The following KCNN2 variants were observed in gnomAD, a reference collection of about 807,000 sequenced individuals.
The protein encoded by KCNN2 is potassium calcium-activated channel subfamily N member 2, also known as small conductance calcium-activated potassium channel protein 2.
A neutral mutation model predicts 55.5 loss-of-function variants in KCNN2; 24 were observed. The observed-to-expected ratio is 0.43, with a 90% CI of 0.31 to 0.61. KCNN2 has a LOEUF of 0.61. Among genes scored for constraint, KCNN2 ranks in the 20% least tolerant of loss-of-function variants. The probability of loss-of-function intolerance (pLI) is 0.08; values close to 1 mark genes in which losing one functional copy is unlikely to be tolerated. For synonymous variants in KCNN2, 431 were observed against 336.1 expected, an observed-to-expected ratio of 1.28 and a Z score of -3.09; for missense variants, 754 against 853.6, an observed-to-expected ratio of 0.88 and a Z score of 1.45.
At chr5:114,332,915 C>A (rs568167105) in intron 2 of KCNN2, among the ~76,000 whole-genome samples, 1 of 152,286 alleles carries the variant, frequency 6.6e-6, no homozygotes, top group South Asian at 2.1e-4. Context: ...GGGAAGGAGT[C>A]CTCTCAATGT....
chr5:114,145,100 G>A (rs959109690), intron 1 of KCNN2, among the ~76,000 whole-genome samples: 1 of 152,176 alleles, frequency 6.6e-6, no homozygotes, highest in African/African-American at 2.4e-5. Flanking sequence ...GGGGAACAAT[G>A]AGCCTTGGCT....
chr5:114,346,490 G>A (rs1225635710), intron 2 of KCNN2, among the ~76,000 whole-genome samples: 1 of 152,082 alleles, frequency 6.6e-6, no homozygotes, highest in Non-Finnish European at 1.5e-5. Context: ...TGAGTAATGA[G>A]GGCCAGATGT....
At chr5:114,085,647 T>C (rs1324940038) in intron 1 of KCNN2, among the ~76,000 whole-genome samples, 2 of 152,080 alleles carry the variant, frequency 1.3e-5, no homozygotes, top group Non-Finnish European at 2.9e-5. Context: ...TATTGAGACA[T>C]GTTGATGATC....
intron 3 of KCNN2, among the ~76,000 whole-genome samples, chr5:114,450,543 A>G (rs1488216886): frequency 6.6e-6 from 1 of 152,234 alleles, no homozygotes; most frequent in Non-Finnish European, 1.5e-5. Flanking sequence ...TTTCCCAGAA[A>G]GTATCAGGGG....
chr5:114,234,890 A>T (rs944943899), intron 2 of KCNN2, among the ~76,000 whole-genome samples: 1 of 152,194 alleles, frequency 6.6e-6, no homozygotes, highest in Non-Finnish European at 1.5e-5. Flanking sequence ...AAGCAAGTTC[A>T]GTATGTGTTA....
At chr5:114,405,137 G>A (rs777368882) in intron 3 of KCNN2, among the ~76,000 whole-genome samples, 19 of 152,104 alleles carry the variant, frequency 1.2e-4, no homozygotes, top group Non-Finnish European at 2.5e-4. Context: ...AAATTGTACA[G>A]GACACTTTTA....
At chr5:114,075,274 T>C (rs1024683564) in intron 1 of KCNN2, among the ~76,000 whole-genome samples, 2 of 152,120 alleles carry the variant, frequency 1.3e-5, no homozygotes, top group African/African-American at 4.8e-5. Flanking sequence ...GCACAGAAGG[T>C]TGGGTTTTGG....
intron 2 of KCNN2, among the ~76,000 whole-genome samples, chr5:114,388,515 T>G (rs573613471): frequency 6.6e-6 from 1 of 152,336 alleles, no homozygotes; most frequent in Admixed American, 6.5e-5. Flanking sequence ...TTTTTTGACT[T>G]TCTCCAAATT....
chr5:114,233,145 C>T (rs1754397994), intron 2 of KCNN2, among the ~76,000 whole-genome samples: 1 of 150,348 alleles, frequency 6.7e-6, no homozygotes, highest in South Asian at 2.1e-4. Flanking sequence ...TGGTCTCGAT[C>T]TCCTGACCTC....
At chr5:114,374,053 C>T (rs1757861054) in intron 2 of KCNN2, among the ~76,000 whole-genome samples, 1 of 151,978 alleles carries the variant, frequency 6.6e-6, no homozygotes, top group African/African-American at 2.4e-5. Flanking sequence ...GGTTTTGGAT[C>T]TGTAGTGATT....
At chr5:114,383,595 A>G (rs1303108078) in intron 2 of KCNN2, among the ~76,000 whole-genome samples, 9 of 151,474 alleles carry the variant, frequency 5.9e-5, no homozygotes, top group Non-Finnish European at 1.2e-4. Flanking sequence ...CCGCTTCCCA[A>G]GTAGCTGGGA....
At chr5:114,139,590 T>G (rs1752235941) in intron 1 of KCNN2, among the ~76,000 whole-genome samples, 1 of 149,800 alleles carries the variant, frequency 6.7e-6, no homozygotes, top group Non-Finnish European at 1.5e-5. Flanking sequence ...GAATAATATT[T>G]ATATACTCTA....
chr5:114,190,693 T>C (rs1753431106), intron 1 of KCNN2, among the ~76,000 whole-genome samples: 1 of 152,186 alleles, frequency 6.6e-6, no homozygotes, highest in Non-Finnish European at 1.5e-5. Flanking sequence ...TTTTAATGTT[T>C]GTGAATTCTG....
At chr5:114,334,003 T>C (rs974815601) in intron 2 of KCNN2, among the ~76,000 whole-genome samples, 3 of 152,204 alleles carry the variant, frequency 2.0e-5, no homozygotes, top group Non-Finnish European at 2.9e-5. Flanking sequence ...TATCCAGTAA[T>C]GCAGCAATCA....
At chr5:114,392,035 C>A (rs554157220) in intron 2 of KCNN2, among the ~76,000 whole-genome samples, 1 of 152,024 alleles carries the variant, frequency 6.6e-6, no homozygotes, top group Non-Finnish European at 1.5e-5. Flanking sequence ...CTCAAGCAAC[C>A]GTTTGCTTAT....
At chr5:114,146,430 A>G (rs2112511732) in intron 1 of KCNN2, among the ~76,000 whole-genome samples, 1 of 152,282 alleles carries the variant, frequency 6.6e-6, no homozygotes, top group East Asian at 1.9e-4. Flanking sequence ...TTACTGCAAT[A>G]GGCTGGACCG....
intron 1 of KCNN2, among the ~76,000 whole-genome samples, chr5:114,162,811 A>T (rs1310069560): frequency 6.6e-6 from 1 of 152,110 alleles, no homozygotes; most frequent in Admixed American, 6.5e-5. Context: ...CAGGTGTGGG[A>T]TATAATCTCC....
At chr5:114,477,321 G>GA (rs781399580) in intron 5 of KCNN2, among the ~76,000 whole-genome samples, 5 of 152,096 alleles carry the variant, frequency 3.3e-5, no homozygotes, top group Non-Finnish European at 7.4e-5. Context: ...CAATTTCTGT[G>GA]AAAAATTATT....
At chr5:114,462,096 C>T (rs1182041594) in intron 3 of KCNN2, among the ~76,000 whole-genome samples, 1 of 152,130 alleles carries the variant, frequency 6.6e-6, no homozygotes, top group Non-Finnish European at 1.5e-5. Context: ...GCCCCATGAC[C>T]ACACAGAATG....
Sources: allele counts gnomAD v4.1 joint callset (sites outside exome capture counted in the v4.1 genomes callset), GRCh38; gene constraint gnomAD v4.1.1; transcripts MANE v1.5; gene names NCBI Gene and HGNC (gene_info 2026-07-23, HGNC 2026-07-21).